The following LOXHD1 variants were observed in gnomAD, a reference collection of about 807,000 sequenced individuals.
LOXHD1 encodes lipoxygenase homology domain-containing protein 1.
In LOXHD1, 205 loss-of-function variants were observed where a neutral mutation model predicts 248.2. The observed-to-expected ratio is 0.83, with a 90% CI of 0.74 to 0.93. The LOEUF is 0.93. LOXHD1 is among the 40% of genes least tolerant of loss of function. LOXHD1 has a pLI of 0.00. For synonymous variants in LOXHD1, 1,113 were observed against 1,162.8 expected, an observed-to-expected ratio of 0.96 and a Z score of 0.87; for missense variants, 2,930 against 2,971.6, an observed-to-expected ratio of 0.99 and a Z score of 0.33.
intron 2 of LOXHD1, among the ~76,000 whole-genome samples, chr18:46,646,492 C>T (rs181647810): frequency 6.6e-6 from 1 of 152,296 alleles, no homozygotes; most frequent in Admixed American, 6.5e-5. Context: ...CCTCCTTCCC[C>T]ACTCGTCCTG....
intron 4 of LOXHD1, among the ~76,000 whole-genome samples, chr18:46,632,163 T>A (rs72915433): frequency 0.12 from 18,351 of 152,138 alleles, 1,165 homozygotes; most frequent in Middle Eastern, 0.18. Flanking sequence ...AGATACTACT[T>A]GTAAAATGTA....
rs1304711233 is a variant in LOXHD1, at chr18:46,507,725, G to C, written c.5518-13C>G. ...TCTTCAGTAGGATCTGGGGGAGAGG[G>C]AGCCACCGTGGGAATGCCCTGTCCT... On this transcript the variant is annotated splice_polypyrimidine_tract_variant and intron_variant, in intron 35 of 40. Transcript: ENST00000642948. The C allele has an allele frequency of 1.3e-5, 20 of 1,545,326 alleles. No individual in the cohort carries two copies. The East Asian group carries it at 4.4e-4, about 34-fold the overall frequency.
chr18:46,652,542 T>G (rs190409236), intron 1 of LOXHD1, among the ~76,000 whole-genome samples: 353 of 152,208 alleles, frequency 2.3e-3, no homozygotes, highest in Non-Finnish European at 3.4e-3. Context: ...TGGCTAAAAA[T>G]AAGAAGACTG....
In LOXHD1 at chr18:46,477,337, A is replaced by T; in HGVS notation, c.*135T>A. 1 of 1,182,830 alleles carries T rather than the reference A, an allele frequency of 8.5e-7. No homozygotes were observed. The highest frequency in any genetic ancestry group is 1.2e-6 in the Non-Finnish European group (1 of 816,328). 73.3% of individuals were successfully genotyped at this position (1,182,830 alleles called of 1,614,324 possible). A position where few individuals can be genotyped will look rare whatever the true frequency, so the allele number is the denominator to read the frequency against. ...AACTGGGGGTAGGGTGGGGAGCAGG[A>T]CCCCATGAAGTTCTCAGTGGACTGC... On this transcript the variant is annotated 3_prime_UTR_variant, in exon 41 of 41. Transcript: ENST00000642948.
At chr18:46,565,605 A>C (rs115528989) in intron 17 of LOXHD1, among the ~76,000 whole-genome samples, 6,599 of 152,264 alleles carry the variant, frequency 0.043, 357 homozygotes, top group African/African-American at 0.13. Flanking sequence ...AGCATACCCG[A>C]ATCTGAGGAT....
intron 2 of LOXHD1, among the ~76,000 whole-genome samples, chr18:46,645,099 C>T (rs2039012344): frequency 6.6e-6 from 1 of 152,052 alleles, no homozygotes; most frequent in East Asian, 1.9e-4. Context: ...CACTCAGGGT[C>T]AGGGCTGGGA....
At chr18:46,570,581 G>A (rs1005236744) in intron 15 of LOXHD1, among the ~76,000 whole-genome samples, 1 of 152,200 alleles carries the variant, frequency 6.6e-6, no homozygotes, top group Non-Finnish European at 1.5e-5. Flanking sequence ...CTCTATTCTT[G>A]CTGAAAGATG....
intron 28 of LOXHD1, among the ~76,000 whole-genome samples, chr18:46,531,743 T>C (rs766076420): frequency 1.1e-4 from 17 of 152,046 alleles, no homozygotes; most frequent in Non-Finnish European, 2.1e-4. Context: ...CCTAGAAACA[T>C]CACTGAGCTC....
intron 18 of LOXHD1, 76 bp from the exon 19 acceptor site, chr18:46,560,621 A>T: frequency 1.5e-6 from 2 of 1,343,644 alleles, no homozygotes; most frequent in South Asian, 1.5e-5. Flanking sequence ...CGCCCAACAA[A>T]GAGCCAGGCA....
In LOXHD1 at chr18:46,639,916, GTTACTT is replaced by G. The variant is rs897104277; in HGVS notation, c.327-122_327-117del. ...GAGGTCCAATTATTCTGTTGTTGTT[GTTACTT>G]TATCTCCTGAACCTCGGTTTCCTCA... On this transcript the variant is annotated intron_variant, in intron 3 of 40. Transcript: ENST00000642948. The G allele has an allele frequency of 5.4e-6, 7 of 1,299,086 alleles. No individual in the cohort carries two copies. The African/African-American group carries it at 1.0e-4, about 19-fold the overall frequency. The allele number at this position is 1,299,086 out of a possible 1,614,324, so 80.5% of individuals were successfully genotyped here.
At chr18:46,500,312 G>A (rs924894378) in intron 37 of LOXHD1, among the ~76,000 whole-genome samples, 9 of 152,086 alleles carry the variant, frequency 5.9e-5, no homozygotes, top group African/African-American at 1.9e-4. Flanking sequence ...CTGAGGTCCA[G>A]ACCCCACTGT....
chr18:46,566,347 AG>A lies in LOXHD1; in HGVS notation c.2346del (p.Ala785ProfsTer148), dbSNP rs2037640848. The A allele has an allele frequency of 6.4e-7, 1 of 1,551,704 alleles. No individual in the cohort carries two copies. The highest frequency in any genetic ancestry group is 8.7e-7 in the Non-Finnish European group (1 of 1,147,028). The stretch of plus-strand genomic sequence containing the variant: ...TTGTCCAGCCAGCGGTTGGCGGGAA[AG>A]GTGTACTGCTTGCCTTGACGGGGCA... ...IRVPRQGKQY[T>X]FPANRWLDKN... On this transcript the variant is annotated frameshift_variant, in exon 17 of 41. Transcript: ENST00000642948. LOFTEE classifies it high-confidence loss of function.
At chr18:46,495,788 T>C (rs2033825495) in intron 37 of LOXHD1, among the ~76,000 whole-genome samples, 1 of 152,216 alleles carries the variant, frequency 6.6e-6, no homozygotes, top group Non-Finnish European at 1.5e-5. Context: ...TTAAGTATGA[T>C]AGTGGTGGTG....
At chr18:46,655,769 G>T (rs2039173087) in intron 1 of LOXHD1, among the ~76,000 whole-genome samples, 2 of 152,218 alleles carry the variant, frequency 1.3e-5, no homozygotes, top group Non-Finnish European at 2.9e-5. Context: ...GACAAGTACA[G>T]CAAGGCCCCA....
At chr18:46,546,529 A>G (rs574333390) in intron 22 of LOXHD1, among the ~76,000 whole-genome samples, 1 of 151,812 alleles carries the variant, frequency 6.6e-6, no homozygotes, top group Non-Finnish European at 1.5e-5. Context: ...ACTCTACTCC[A>G]TTCCATTCCA....
At chr18:46,649,965 A>G (rs115263144) in intron 1 of LOXHD1, among the ~76,000 whole-genome samples, 3 of 152,218 alleles carry the variant, frequency 2.0e-5, no homozygotes, top group African/African-American at 7.2e-5. Flanking sequence ...AGGATGCAAT[A>G]GAGATATTAG....
intron 31 of LOXHD1, among the ~76,000 whole-genome samples, chr18:46,522,928 G>C (rs1393681780): frequency 1.3e-5 from 2 of 152,038 alleles, no homozygotes; most frequent in Non-Finnish European, 2.9e-5. Context: ...TTGTTGGGTA[G>C]GTTTCTGGGG....
At chr18:46,643,021 G>A (rs373369091) in intron 2 of LOXHD1, among the ~76,000 whole-genome samples, 40 of 152,292 alleles carry the variant, frequency 2.6e-4, no homozygotes, top group Non-Finnish European at 3.2e-4. Context: ...AAAATAAAGC[G>A]GAAGGGGAAG....
intron 4 of LOXHD1, among the ~76,000 whole-genome samples, chr18:46,632,179 A>G (rs2038833906): frequency 6.6e-6 from 1 of 152,230 alleles, no homozygotes; most frequent in African/African-American, 2.4e-5. Context: ...ATGTATGCAC[A>G]CAAAGACACA....
Sources: gnomAD v4.1 joint callset for allele counts (sites outside exome capture counted in the v4.1 genomes callset) on GRCh38, gnomAD v4.1.1 for gene constraint, MANE v1.5 for transcripts, NCBI Gene and HGNC (gene_info 2026-07-23, HGNC 2026-07-21) for gene names.